Variants in UGT1A3 observed in about 807,000 individuals in gnomAD.
UGT1A3 encodes the protein UDP glucuronosyltransferase family 1 member A3, also known as UDP-glucuronosyltransferase 1A3.
Under a neutral mutation model 41.0 loss-of-function variants are expected in UGT1A3, and 31 were observed. The ratio of observed to expected loss-of-function variants is 0.76; its 90% CI spans 0.57 to 1.02. The LOEUF (loss-of-function observed/expected upper bound fraction) is 1.02, where lower values mean the gene tolerates loss of function less well. Among genes scored for constraint, UGT1A3 ranks in the 50% least tolerant of loss-of-function variants. The pLI is 0.00. For missense variants in UGT1A3, 737 were observed against 671.0 expected (o/e 1.10, Z -1.09); for synonymous variants, 262 against 257.6 (o/e 1.02, Z -0.17).
chr2:233,743,626 G>T (rs1399385903), intron 1 of UGT1A3: 3 of 1,367,322 alleles, frequency 2.2e-6, no homozygotes, highest in Non-Finnish European at 2.9e-6. Flanking sequence ...TGAAGACGTC[G>T]GCTGGGTCGC....
chr2:233,757,560 A>ATATATATATATATATATG (rs904896556), intron 1 of UGT1A3, among the ~76,000 whole-genome samples: 7 of 123,144 alleles, frequency 5.7e-5, no homozygotes, highest in African/African-American at 1.7e-4. Context: ...ATATATATAT[A>ATATATATATATATATATG]TGTATATATG....
intron 1 of UGT1A3, among the ~76,000 whole-genome samples, chr2:233,731,588 T>C (rs2078180230): frequency 6.6e-6 from 1 of 152,212 alleles, no homozygotes; most frequent in African/African-American, 2.4e-5. Flanking sequence ...TACAGCTTTG[T>C]CCATCTCCCT....
intron 1 of UGT1A3, among the ~76,000 whole-genome samples, chr2:233,742,120 G>A (rs910307834): frequency 2.0e-5 from 3 of 151,826 alleles, no homozygotes; most frequent in South Asian, 4.1e-4. Context: ...CAGCTTGGTC[G>A]TGGAGACCCT....
chr2:233,757,956 G>C (rs1696761467), intron 1 of UGT1A3, among the ~76,000 whole-genome samples: 1 of 152,144 alleles, frequency 6.6e-6, no homozygotes, highest in Admixed American at 6.5e-5. Flanking sequence ...CTGCCCTGCT[G>C]TGTGATTTCT....
chr2:233,762,430 C>A (rs796065862), intron 1 of UGT1A3, among the ~76,000 whole-genome samples: 1 of 152,178 alleles, frequency 6.6e-6, no homozygotes, highest in African/African-American at 2.4e-5. Context: ...AATAGAGTAA[C>A]AGTGTATTCC....
At chr2:233,747,722 G>GT (rs574078556) in intron 1 of UGT1A3, 82 of 1,612,726 alleles carry the variant, frequency 5.1e-5, no homozygotes, top group Admixed American at 1.2e-4. Flanking sequence ...TTCCTGCTGT[G>GT]TTTTTTTTGA....
intron 1 of UGT1A3, among the ~76,000 whole-genome samples, chr2:233,731,303 T>C (rs2078137906): frequency 6.6e-6 from 1 of 151,406 alleles, no homozygotes; most frequent in Non-Finnish European, 1.5e-5. Context: ...TTTTTTATTA[T>C]ACTTTAAGTT....
rs34642976 is a variant in UGT1A3 at position 233,765,194 on chromosome 2, T to A, written c.868-1840T>A. Among the ~76,000 whole-genome samples, 4 of 152,300 alleles carry A rather than the reference T, an allele frequency of 2.6e-5. No homozygotes were observed. The East Asian group carries it at 7.7e-4, about 29-fold the overall frequency. On this transcript the variant is annotated intron_variant, in intron 1 of 4. Transcript: ENST00000482026. ...CAAGCCCTGCCACATCACACAATCA[T>A]ATTAGTGCCCTCAGTATTCTTTGCA...
At chr2:233,745,784 G>A (rs1693214179) in intron 1 of UGT1A3, among the ~76,000 whole-genome samples, 1 of 151,038 alleles carries the variant, frequency 6.6e-6, no homozygotes, top group Non-Finnish European at 1.5e-5. Flanking sequence ...GCTTAGACAG[G>A]GGGGCTGGGG....
rs188496889 is a variant in UGT1A3, at chr2:233,733,647, G to A, written c.867+3654G>A. Among the ~76,000 whole-genome samples, 3 of 152,328 alleles carry A rather than the reference G, an allele frequency of 2.0e-5. No individual in the cohort carries two copies. The East Asian group carries it at 5.8e-4, about 29-fold the overall frequency. ...ATGTTGAACCAGCCTTGCATCCCAA[G>A]GATGAAGCCGACTTGATCGATGTGG... On this transcript the variant is annotated intron_variant, in intron 1 of 4. Coordinates refer to ENST00000482026, the MANE Select transcript of UGT1A3 (RefSeq NM_019093.4).
At chr2:233,758,509 A>G (rs1575759497) in intron 1 of UGT1A3, among the ~76,000 whole-genome samples, 1 of 152,232 alleles carries the variant, frequency 6.6e-6, no homozygotes, top group Non-Finnish European at 1.5e-5. Context: ...TAATAAGGAC[A>G]CAACAAAGAG....
chr2:233,739,272 C>A (rs1444866031), intron 1 of UGT1A3, among the ~76,000 whole-genome samples: 1 of 152,138 alleles, frequency 6.6e-6, no homozygotes, highest in African/African-American at 2.4e-5. Context: ...AGGTTGGAGC[C>A]CCCACACAGA....
At chr2:233,748,117 C>G in intron 1 of UGT1A3, 1 of 1,611,604 alleles carries the variant, frequency 6.2e-7, no homozygotes, top group Non-Finnish European at 8.5e-7. Context: ...ATGTTCCAGG[C>G]AAAACAGTTT....
Position 233,760,797 on chromosome 2 carries a change from C to A in UGT1A3, c.868-6237C>A, listed in dbSNP as rs780028785. 1.9e-6 allele frequency: 3 copies of A among 1,613,492 alleles called. No individual in the cohort carries two copies. The highest frequency in any genetic ancestry group is 1.1e-5 in the South Asian group (1 of 91,076). The stretch of plus-strand genomic sequence containing the variant: ...AGTACCTGTCTCTGCCCACTGTATT[C>A]TTCTTGCATGCACTGCCATGCAGCC... On this transcript the variant is annotated intron_variant, in intron 1 of 4. Coordinates refer to ENST00000482026, the MANE Select transcript of UGT1A3 (RefSeq NM_019093.4).
At chr2:233,752,118 G>A (rs1227638081) in intron 1 of UGT1A3, among the ~76,000 whole-genome samples, 1 of 152,216 alleles carries the variant, frequency 6.6e-6, no homozygotes, top group Non-Finnish European at 1.5e-5. Context: ...AGGAGAAGAA[G>A]ATGATGGACA....
At chr2:233,753,361 T>G (rs1274018871) in intron 1 of UGT1A3, 1 of 152,246 alleles carries the variant, frequency 6.6e-6, no homozygotes, top group Admixed American at 6.5e-5. Context: ...ATTACTTGGG[T>G]GCCATTCCAT....
At chr2:233,748,812 T>C (rs1268165995) in intron 1 of UGT1A3, among the ~76,000 whole-genome samples, 2 of 151,274 alleles carry the variant, frequency 1.3e-5, no homozygotes. Context: ...CAAGAAATTG[T>C]GGAAGGGTCT....
rs1699307451 is a variant in UGT1A3, at chr2:233,767,015, A to G, written c.868-19A>G. The G allele has an allele frequency of 6.2e-7, 1 of 1,613,760 alleles. No homozygotes were observed. Among genetic ancestry groups the G allele is most frequent in the South Asian group, 1.1e-5 (1 of 90,990 alleles). On this transcript the variant is annotated intron_variant, in intron 1 of 4. Transcript: ENST00000482026. The stretch of plus-strand genomic sequence containing the variant: ...GAATATGAGAAAAAATTAACTGAAA[A>G]TTTTTCTTCTGGCTCTAGGAATTTG...
chr2:233,769,675 G>A lies in UGT1A3; in HGVS notation c.1307+1236G>A, dbSNP rs1044597905. 16 of 1,578,848 alleles carry A rather than the reference G, an allele frequency of 1.0e-5. No homozygotes were observed. The highest frequency in any genetic ancestry group is 1.4e-5 in the Non-Finnish European group (16 of 1,162,352). ...CTTCCCACCTTTGAGGTGCTAATGT[G>A]TGTGTGGTGGCACTGGATAAAAGAT... On this transcript the variant is annotated intron_variant, in intron 4 of 4. Coordinates refer to ENST00000482026, the MANE Select transcript of UGT1A3 (RefSeq NM_019093.4). The surrounding 1 kb of genome is among the most constrained non-coding windows in gnomAD (Gnocchi z 4.4).
Sources: allele counts gnomAD v4.1 joint callset (sites outside exome capture counted in the v4.1 genomes callset), GRCh38; gene constraint gnomAD v4.1.1; non-coding constraint Gnocchi (gnomAD v3.1); transcripts MANE v1.5; gene names NCBI Gene and HGNC (gene_info 2026-07-23, HGNC 2026-07-21).